The following SLC25A48 variants were observed in gnomAD, a reference collection of about 807,000 sequenced individuals.
SLC25A48 encodes the protein solute carrier family 25 member 48.
A neutral mutation model predicts 32.2 loss-of-function variants in SLC25A48; 29 were observed. The observed-to-expected ratio is 0.90, with a 90% CI of 0.67 to 1.23. The LOEUF is 1.23. Ranked by LOEUF, SLC25A48 falls within the 50% of genes most tolerant of loss-of-function variation. SLC25A48 has a pLI of 0.00. For synonymous variants in SLC25A48, 164 were observed against 172.3 expected (o/e 0.95, Z 0.38); for missense variants, 399 against 422.7 (o/e 0.94, Z 0.49).
chr5:135,873,915 C>A, intron 5 of SLC25A48, 106 bp from the exon 6 acceptor site: 1 of 1,273,456 alleles, frequency 7.9e-7, no homozygotes, highest in Non-Finnish European at 1.0e-6. Context: ...AGCTCTGTCC[C>A]TTCTCCCAGC....
At position 135,852,526 on chromosome 5, in the gene SLC25A48, G is replaced by A. The variant is rs746252455; in HGVS notation, c.163-37G>A. The A allele has an allele frequency of 1.2e-5, 19 of 1,563,518 alleles. No individual in the cohort carries two copies. In the South Asian group the frequency reaches 1.5e-4, roughly 13 times the overall value. On this transcript the variant is annotated intron_variant, in intron 3 of 7. Coordinates refer to ENST00000681962, the MANE Select transcript of SLC25A48 (RefSeq NM_001349336.2). ...CTGCAGGCTCTGCGACGGCAGCCCG[G>A]GGTCCTCACGCCTCTTCCTTCTGGT...
chr5:135,800,830 T>C (rs1266085836), intron 3 of SLC25A48, among the ~76,000 whole-genome samples: 2 of 150,688 alleles, frequency 1.3e-5, no homozygotes, highest in South Asian at 2.1e-4. Context: ...CGCTGGGGAG[T>C]GTACACTCGC....
intron 3 of SLC25A48, among the ~76,000 whole-genome samples, chr5:135,739,299 G>A (rs775470271): frequency 1.3e-5 from 2 of 151,842 alleles, no homozygotes; most frequent in Non-Finnish European, 2.9e-5. Flanking sequence ...TTTATTTTTT[G>A]TAGAGATAGG....
intron 4 of SLC25A48, among the ~76,000 whole-genome samples, chr5:135,818,287 C>A (rs1179854315): frequency 1.3e-5 from 2 of 152,076 alleles, no homozygotes; most frequent in African/African-American, 4.8e-5. Flanking sequence ...ATGAGGACAT[C>A]CAGGAGGGAA....
chr5:135,772,296 A>G (rs1341808123), intron 3 of SLC25A48, among the ~76,000 whole-genome samples: 4 of 151,098 alleles, frequency 2.6e-5, no homozygotes, highest in Non-Finnish European at 4.4e-5. Flanking sequence ...TGTCACAGGT[A>G]GTGTACACCC....
At chr5:135,715,179 A>T (rs1754763945) in intron 3 of SLC25A48, among the ~76,000 whole-genome samples, 1 of 152,212 alleles carries the variant, frequency 6.6e-6, no homozygotes, top group African/African-American at 2.4e-5. Context: ...CCACTTCGAA[A>T]AAAACAGCAG....
intron 3 of SLC25A48, among the ~76,000 whole-genome samples, chr5:135,772,640 A>T (rs4383721): frequency 6.6e-6 from 1 of 150,606 alleles, no homozygotes; most frequent in South Asian, 2.1e-4. Context: ...GGGGGGGAGA[A>T]AATGATATTA....
At chr5:135,846,733 A>G (rs1274560236) in intron 2 of SLC25A48, among the ~76,000 whole-genome samples, 1 of 152,164 alleles carries the variant, frequency 6.6e-6, no homozygotes, top group African/African-American at 2.4e-5. Flanking sequence ...CACTGCATTC[A>G]CACAATCCAG....
chr5:135,587,993 T>C (rs1370821872), intron 1 of SLC25A48, among the ~76,000 whole-genome samples: 1 of 152,184 alleles, frequency 6.6e-6, no homozygotes, highest in Admixed American at 6.5e-5. Flanking sequence ...AACGGGCCCC[T>C]GTGTAAGGCT....
chr5:135,848,621 T>C (rs537660725), intron 2 of SLC25A48, among the ~76,000 whole-genome samples: 96 of 152,342 alleles, frequency 6.3e-4, no homozygotes, highest in African/African-American at 2.2e-3. Context: ...TTGGGAATTA[T>C]TTTTTATTGA....
In SLC25A48 at chr5:135,882,053, G is replaced by T. The variant is rs138308500; in HGVS notation, c.*7+1956G>T. Among the ~76,000 whole-genome samples, 394 of 152,354 alleles carry T rather than the reference G, an allele frequency of 2.6e-3. 2 individuals carry two copies. Among genetic ancestry groups the T allele is most frequent in the Middle Eastern group, 0.01 (3 of 294 alleles). ...AGGAAATTTCTAGCTACCCAATCAC[G>T]ATTGTCCTGCATTTAGCCTTTCACA... On this transcript the variant is annotated intron_variant, in intron 7 of 7. Coordinates refer to ENST00000681962, the MANE Select transcript of SLC25A48 (RefSeq NM_001349336.2).
At chr5:135,777,126 GAT>G (rs1337002241) in intron 3 of SLC25A48, among the ~76,000 whole-genome samples, 1 of 150,692 alleles carries the variant, frequency 6.6e-6, no homozygotes, top group East Asian at 2.0e-4. Flanking sequence ...GGGAGAGGAC[GAT>G]ATTATTTCAA....
intron 3 of SLC25A48, among the ~76,000 whole-genome samples, chr5:135,705,952 T>A (rs1294470239): frequency 6.6e-6 from 1 of 152,202 alleles, no homozygotes; most frequent in Non-Finnish European, 1.5e-5. Context: ...GGCTGGTTTG[T>A]ACAGCAGACG....
intron 3 of SLC25A48, among the ~76,000 whole-genome samples, chr5:135,745,551 C>T (rs561665292): frequency 3.9e-5 from 6 of 152,080 alleles, no homozygotes; most frequent in South Asian, 4.2e-4. Flanking sequence ...AAAAGGCCAG[C>T]GGGGGTGGTG....
At chr5:135,735,877 T>G (rs984079101) in intron 3 of SLC25A48, among the ~76,000 whole-genome samples, 2 of 152,170 alleles carry the variant, frequency 1.3e-5, no homozygotes, top group African/African-American at 2.4e-5. Context: ...AAAAGGCACA[T>G]GTACCCTGAC....
chr5:135,583,624 T>C (rs1751284545), intron 1 of SLC25A48, among the ~76,000 whole-genome samples: 1 of 151,442 alleles, frequency 6.6e-6, no homozygotes, highest in Admixed American at 6.6e-5. Flanking sequence ...AAGATCTCCC[T>C]GTGCATTAAT....
intron 3 of SLC25A48, among the ~76,000 whole-genome samples, chr5:135,756,700 A>G (rs1423561301): frequency 6.6e-6 from 1 of 152,100 alleles, no homozygotes; most frequent in African/African-American, 2.4e-5. Context: ...TATGATACCT[A>G]TAATATGTAG....
At chr5:135,806,943 C>T (rs971041334) in intron 3 of SLC25A48, among the ~76,000 whole-genome samples, 40 of 150,006 alleles carry the variant, frequency 2.7e-4, no homozygotes, top group African/African-American at 6.8e-4. Context: ...TGTGTTAACA[C>T]TAGATATTTT....
At chr5:135,858,810 G>A (rs578036516) in intron 4 of SLC25A48, among the ~76,000 whole-genome samples, 34 of 152,358 alleles carry the variant, frequency 2.2e-4, no homozygotes, top group East Asian at 9.6e-4. Context: ...CCAAAATGAC[G>A]TTGTCCAAGT....
Sources: gnomAD v4.1 joint callset for allele counts (sites outside exome capture counted in the v4.1 genomes callset) on GRCh38, gnomAD v4.1.1 for gene constraint, MANE v1.5 for transcripts, NCBI Gene and HGNC (gene_info 2026-07-23, HGNC 2026-07-21) for gene names.